The following RYR2 variants were observed in gnomAD, a reference collection of about 807,000 sequenced individuals.
RYR2 encodes cardiac muscle ryanodine receptor-calcium release channel.
RYR2 carries 227 observed loss-of-function variants against 601.1 expected under a neutral mutation model. That is an observed-to-expected ratio of 0.38 (90% confidence interval 0.34 to 0.42). The LOEUF (loss-of-function observed/expected upper bound fraction) is 0.42. RYR2 is among the 10% of genes least tolerant of loss of function. RYR2 has a pLI of 1.00. For missense variants in RYR2, 4,646 were observed against 6,156.5 expected (o/e 0.75, Z 8.21); for synonymous variants, 2,223 against 2,175.1 (o/e 1.02, Z -0.61).
At chr1:237,719,183 G>A (rs1315386750) in intron 73 of RYR2, among the ~76,000 whole-genome samples, 1 of 152,122 alleles carries the variant, frequency 6.6e-6, no homozygotes, top group Non-Finnish European at 1.5e-5. Context: ...CTTGAGCCTG[G>A]GAGGTGGAGG....
intron 1 of RYR2, among the ~76,000 whole-genome samples, chr1:237,172,374 T>C (rs1357992065): frequency 2.0e-5 from 3 of 152,170 alleles, no homozygotes; most frequent in Non-Finnish European, 4.4e-5. Flanking sequence ...GAAGCATCAT[T>C]TAAGAGGCCA....
intron 17 of RYR2, among the ~76,000 whole-genome samples, chr1:237,489,062 G>A (rs10925432): frequency 0.28 from 42,724 of 152,066 alleles, 6,933 homozygotes; most frequent in African/African-American, 0.45. Flanking sequence ...GCCATAGACA[G>A]TATGTAAATG....
chr1:237,292,125 C>A (rs556548057), intron 2 of RYR2, among the ~76,000 whole-genome samples: 9 of 152,286 alleles, frequency 5.9e-5, no homozygotes, highest in African/African-American at 1.4e-4. Context: ...TACCAACCAA[C>A]AAGAGATCCC....
chr1:237,646,348 A>T (rs978662162), intron 48 of RYR2, among the ~76,000 whole-genome samples: 26 of 151,766 alleles, frequency 1.7e-4, no homozygotes, highest in African/African-American at 5.3e-4. Flanking sequence ...CTCAAAAAAA[A>T]ATTTTTTTTT....
intron 67 of RYR2, among the ~76,000 whole-genome samples, chr1:237,706,510 T>G (rs140371801): frequency 6.6e-6 from 1 of 152,050 alleles, no homozygotes; most frequent in Admixed American, 6.6e-5. Context: ...CAGGAAAGAT[T>G]TGAGTATCTT....
chr1:237,818,981 A>AG, intron 100 of RYR2, 55 bp from the exon 101 acceptor site: 1 of 1,529,196 alleles, frequency 6.5e-7, no homozygotes, highest in Non-Finnish European at 8.9e-7. Flanking sequence ...GGGTTTGTCG[A>AG]GAAAAAAAAA....
At chr1:237,075,373 T>C (rs1440856010) in intron 1 of RYR2, among the ~76,000 whole-genome samples, 2 of 147,876 alleles carry the variant, frequency 1.4e-5, no homozygotes, top group Non-Finnish European at 3.0e-5. Context: ...ACCCGGTTCA[T>C]CTCACTAGGG....
At chr1:237,219,016 T>C (rs1055869478) in intron 1 of RYR2, among the ~76,000 whole-genome samples, 4 of 149,042 alleles carry the variant, frequency 2.7e-5, no homozygotes, top group African/African-American at 7.4e-5. Flanking sequence ...CTTGATTTTT[T>C]TTTTTTTTTT....
chr1:237,620,540 A>G (rs1460801460), intron 38 of RYR2, among the ~76,000 whole-genome samples: 2 of 152,146 alleles, frequency 1.3e-5, no homozygotes, highest in African/African-American at 4.8e-5. Context: ...CAATCTAACT[A>G]TATGCTTGCT....
At chr1:237,522,340 A>G (rs1359345507) in intron 24 of RYR2, among the ~76,000 whole-genome samples, 1 of 152,242 alleles carries the variant, frequency 6.6e-6, no homozygotes, top group Non-Finnish European at 1.5e-5. Context: ...ATATTTTAAG[A>G]AAGTTTATGA....
intron 87 of RYR2, among the ~76,000 whole-genome samples, chr1:237,776,038 G>A (rs1452848240): frequency 1.3e-5 from 2 of 152,168 alleles, no homozygotes. Context: ...CCCTTGTAAT[G>A]CTTCAACTTT....
chr1:237,355,109 C>T (rs1433780807), intron 3 of RYR2, among the ~76,000 whole-genome samples: 3 of 151,862 alleles, frequency 2.0e-5, no homozygotes, highest in Admixed American at 6.6e-5. Flanking sequence ...AATGAGTTTT[C>T]TAAGGAAAAA....
intron 98 of RYR2, chr1:237,802,517 C>T (rs190270662): frequency 6.6e-6 from 1 of 152,372 alleles, no homozygotes; most frequent in East Asian, 1.9e-4. Flanking sequence ...TCTCCTGCCT[C>T]TATCCTTATC....
At chr1:237,236,131 T>A (rs778126489) in intron 1 of RYR2, among the ~76,000 whole-genome samples, 26 of 152,154 alleles carry the variant, frequency 1.7e-4, no homozygotes, top group Admixed American at 3.3e-4. Context: ...TTGGGAAGTG[T>A]TATTACTAAT....
intron 1 of RYR2, among the ~76,000 whole-genome samples, chr1:237,250,696 C>G (rs892521682): frequency 2.0e-5 from 3 of 152,170 alleles, no homozygotes; most frequent in Non-Finnish European, 4.4e-5. Flanking sequence ...TACCTTTGCT[C>G]CTATCTGAAG....
At chr1:237,237,606 C>T (rs1685677853) in intron 1 of RYR2, among the ~76,000 whole-genome samples, 1 of 152,164 alleles carries the variant, frequency 6.6e-6, no homozygotes, top group Non-Finnish European at 1.5e-5. Flanking sequence ...TATAGCATCA[C>T]ATGACAGATA....
chr1:237,446,758 A>G (rs1349457516), intron 14 of RYR2, among the ~76,000 whole-genome samples: 2 of 152,294 alleles, frequency 1.3e-5, no homozygotes, highest in East Asian at 3.9e-4. Context: ...TCCAAGCCTC[A>G]TCAGATGCAG....
chr1:237,146,163 G>A (rs1012573969), intron 1 of RYR2, among the ~76,000 whole-genome samples: 2 of 152,182 alleles, frequency 1.3e-5, no homozygotes, highest in African/African-American at 4.8e-5. Flanking sequence ...TAAAAAGCCA[G>A]CTCTTTAGAA....
At chr1:237,437,344 G>A (rs887784939) in intron 12 of RYR2, among the ~76,000 whole-genome samples, 13 of 152,014 alleles carry the variant, frequency 8.6e-5, no homozygotes, top group African/African-American at 4.8e-5. Flanking sequence ...GAGCCACCGC[G>A]CCCAGCCACA....
Sources: gnomAD v4.1 joint callset for allele counts (sites outside exome capture counted in the v4.1 genomes callset) on GRCh38, gnomAD v4.1.1 for gene constraint, MANE v1.5 for transcripts, NCBI Gene and HGNC (gene_info 2026-07-23, HGNC 2026-07-21) for gene names.